Variants in OTUD7A observed in about 807,000 individuals in gnomAD.
The protein encoded by OTUD7A is OTU domain-containing protein 7A.
OTUD7A carries 12 observed loss-of-function variants against 65.7 expected under a neutral mutation model. That is an observed-to-expected ratio of 0.18 (90% CI 0.12 to 0.30). OTUD7A has a LOEUF of 0.30. OTUD7A is among the 10% of genes least tolerant of loss of function. The pLI, the probability that OTUD7A is intolerant of heterozygous loss-of-function variation, is 1.00. For synonymous variants in OTUD7A, 641 were observed against 586.3 expected, an observed-to-expected ratio of 1.09 and a Z score of -1.35; for missense variants, 1,148 against 1,304.8, an observed-to-expected ratio of 0.88 and a Z score of 1.85.
At chr15:31,678,482 C>A (rs554969955) in intron 1 of OTUD7A, among the ~76,000 whole-genome samples, 1 of 152,150 alleles carries the variant, frequency 6.6e-6, no homozygotes, top group Non-Finnish European at 1.5e-5. Context: ...AGGAAAAAAA[C>A]GGTTTTGTGG....
chr15:31,609,686 C>T (rs1383560823), intron 3 of OTUD7A, among the ~76,000 whole-genome samples: 1 of 152,174 alleles, frequency 6.6e-6, no homozygotes, highest in Non-Finnish European at 1.5e-5. Context: ...TCTAGGGTCC[C>T]ACCCACTGCT....
intron 8 of OTUD7A, among the ~76,000 whole-genome samples, chr15:31,521,089 G>T (rs1218256050): frequency 6.6e-6 from 1 of 152,186 alleles, no homozygotes; most frequent in African/African-American, 2.4e-5. Flanking sequence ...CGTACATATG[G>T]ACAGGCAGAA....
chr15:31,663,084 C>T (rs7497809), intron 1 of OTUD7A, among the ~76,000 whole-genome samples: 122,158 of 149,696 alleles, frequency 0.82, 50,526 homozygotes, highest in African/African-American at 0.96. Flanking sequence ...ATGGAGTATC[C>T]CTCTATTGCC....
chr15:31,794,457 T>G (rs902172401), intron 1 of OTUD7A, among the ~76,000 whole-genome samples: 2 of 150,404 alleles, frequency 1.3e-5, no homozygotes, highest in Non-Finnish European at 2.9e-5. Context: ...AATATAAATT[T>G]GTCACTTCCT....
At chr15:31,642,108 T>G (rs1891534614) in intron 3 of OTUD7A, among the ~76,000 whole-genome samples, 1 of 151,500 alleles carries the variant, frequency 6.6e-6, no homozygotes, top group African/African-American at 2.4e-5. Flanking sequence ...TTCTGAGTGT[T>G]TTCTAAAAAT....
intron 1 of OTUD7A, among the ~76,000 whole-genome samples, chr15:31,780,856 T>C (rs964625856): frequency 1.3e-5 from 2 of 152,210 alleles, no homozygotes; most frequent in African/African-American, 2.4e-5. Context: ...GTCTTGCATG[T>C]TCATGTTCTA....
chr15:31,695,014 T>G (rs1422769400), intron 1 of OTUD7A, among the ~76,000 whole-genome samples: 1 of 152,000 alleles, frequency 6.6e-6, no homozygotes, highest in African/African-American at 2.4e-5. Context: ...CCTGGCTAAT[T>G]TTTTGTATTT....
At position 31,511,386 on chromosome 15, in the gene OTUD7A, A is replaced by C. The variant is rs1227545324; in HGVS notation, c.894-7568T>G. 4.4e-4 allele frequency among the ~76,000 whole-genome samples: 2 copies of C among 4,550 alleles called. 1 individual carries two copies. Among genetic ancestry groups the C allele is most frequent in the Non-Finnish European group, 6.1e-4 (2 of 3,270 alleles). The allele number at this position is 4,550 out of a possible 152,430, so 3.0% of individuals were successfully genotyped here. On this transcript the variant is annotated intron_variant, in intron 8 of 12. Coordinates refer to ENST00000307050, the MANE Select transcript of OTUD7A (RefSeq NM_001382637.1). ...CACATATATATGTATATCTATATGTAACACATATATATGTATATCTATATG... is the reference window on the plus strand; with the variant it reads ...CACATATATATGTATATCTATATGTCACACATATATATGTATATCTATATG...
At chr15:31,499,650 C>A (rs1022783483) in intron 10 of OTUD7A, among the ~76,000 whole-genome samples, 1 of 152,234 alleles carries the variant, frequency 6.6e-6, no homozygotes, top group Non-Finnish European at 1.5e-5. Flanking sequence ...AAGAGCGTGG[C>A]CATGGCACCT....
At chr15:31,826,971 G>C (rs1896811814) in intron 1 of OTUD7A, among the ~76,000 whole-genome samples, 1 of 152,132 alleles carries the variant, frequency 6.6e-6, no homozygotes, top group Non-Finnish European at 1.5e-5. Flanking sequence ...TCAGCGTTTT[G>C]GGCAAAGCCA....
intron 4 of OTUD7A, 31 bp from the exon 5 acceptor site, chr15:31,559,218 G>C: frequency 6.3e-7 from 1 of 1,594,442 alleles, no homozygotes; most frequent in Non-Finnish European, 8.6e-7. Context: ...ATAGCCCCAA[G>C]GGCTGAGTGG....
intron 1 of OTUD7A, among the ~76,000 whole-genome samples, chr15:31,854,192 G>T (rs1897502434): frequency 6.6e-6 from 1 of 152,156 alleles, no homozygotes; most frequent in African/African-American, 2.4e-5. Context: ...TTTAGAGGCT[G>T]CCCTCATTCT....
chr15:31,846,877 C>T (rs878953938), intron 1 of OTUD7A, among the ~76,000 whole-genome samples: 2 of 148,752 alleles, frequency 1.3e-5, no homozygotes, highest in East Asian at 1.9e-4. Flanking sequence ...GCTACTTTCA[C>T]GAGTTTAGAC....
chr15:31,674,149 G>A (rs1892545127), intron 1 of OTUD7A, among the ~76,000 whole-genome samples: 1 of 152,158 alleles, frequency 6.6e-6, no homozygotes, highest in Non-Finnish European at 1.5e-5. Context: ...GACAGCTGAA[G>A]GTAAGATAAA....
At chr15:31,784,991 C>T (rs867842510) in intron 1 of OTUD7A, among the ~76,000 whole-genome samples, 3 of 152,098 alleles carry the variant, frequency 2.0e-5, no homozygotes, top group Non-Finnish European at 4.4e-5. Flanking sequence ...TAAACGCGGG[C>T]ATACAGATAA....
chr15:31,627,493 T>A (rs545334548), intron 3 of OTUD7A, among the ~76,000 whole-genome samples: 2 of 152,128 alleles, frequency 1.3e-5, no homozygotes, highest in African/African-American at 4.8e-5. Flanking sequence ...TCTATGGTTG[T>A]TGGACATTTG....
chr15:31,733,861 A>G (rs943278901), intron 1 of OTUD7A, among the ~76,000 whole-genome samples: 8 of 152,338 alleles, frequency 5.3e-5, no homozygotes, highest in African/African-American at 1.9e-4. Flanking sequence ...CCAGCCATCC[A>G]AAACAAGAGT....
chr15:31,848,501 A>C (rs1897341448), intron 1 of OTUD7A, among the ~76,000 whole-genome samples: 1 of 152,126 alleles, frequency 6.6e-6, no homozygotes, highest in Non-Finnish European at 1.5e-5. Context: ...AAGAAATTTC[A>C]GTCAGAAGTC....
intron 3 of OTUD7A, among the ~76,000 whole-genome samples, chr15:31,642,555 A>G (rs1891548702): frequency 1.3e-5 from 2 of 151,930 alleles, no homozygotes; most frequent in Admixed American, 1.3e-4. Context: ...TACAACTTAG[A>G]TTTCTTTAAT....
Sources: allele counts gnomAD v4.1 joint callset (sites outside exome capture counted in the v4.1 genomes callset), GRCh38; gene constraint gnomAD v4.1.1; transcripts MANE v1.5; gene names NCBI Gene and HGNC (gene_info 2026-07-23, HGNC 2026-07-21).